MAF: variants seen among roughly 807,000 people sequenced by gnomAD.
MAF encodes the protein MAF bZIP transcription factor.
A neutral mutation model predicts 22.0 loss-of-function variants in MAF; 10 were observed. The ratio of observed to expected loss-of-function variants is 0.45; its 90% CI spans 0.28 to 0.77. The LOEUF is 0.77. Among genes scored for constraint, MAF ranks in the 30% least tolerant of loss-of-function variants. The pLI is 0.12. For missense variants in MAF, 544 were observed against 548.4 expected (o/e 0.99, Z 0.08); for synonymous variants, 337 against 255.8 (o/e 1.32, Z -3.03).
At chr16:79,482,422 C>G in the MAF span, among the ~76,000 whole-genome samples, 1 of 152,166 alleles carries the variant, frequency 6.6e-6, no homozygotes, top group Non-Finnish European at 1.5e-5. Flanking sequence ...GTCAAATCAG[C>G]GACCTGGTCT....
the MAF span, among the ~76,000 whole-genome samples, chr16:79,400,052 A>G: frequency 6.6e-6 from 1 of 152,178 alleles, no homozygotes; most frequent in Non-Finnish European, 1.5e-5. Flanking sequence ...AGAGCAGTCT[A>G]TTTTGCCTCC....
In MAF at chr16:79,596,241, GA is replaced by G. The variant is rs1913517382; in HGVS notation, c.1119-1689del. ...AGGGCAATTATGGCTCAACTCATTT[GA>G]AAACTGAAAACTTTGGGGAGAAAAA... On this transcript the variant is annotated intron_variant, in intron 1 of 1. Coordinates refer to ENST00000326043, the MANE Select transcript of MAF (RefSeq NM_005360.5). 2.8e-6 allele frequency: 3 copies of G among 1,059,570 alleles called. No homozygotes were observed. The East Asian group carries it at 1.5e-4, about 55-fold the overall frequency. 65.6% of individuals were successfully genotyped at this position (1,059,570 alleles called of 1,614,324 possible).
the MAF span, among the ~76,000 whole-genome samples, chr16:79,401,956 T>C: frequency 2.6e-5 from 4 of 152,162 alleles, no homozygotes; most frequent in Admixed American, 2.6e-4. Flanking sequence ...GAAAATGGGA[T>C]GCTATCATTA....
At chr16:79,491,401 T>C in the MAF span, among the ~76,000 whole-genome samples, 90 of 152,322 alleles carry the variant, frequency 5.9e-4, no homozygotes, top group African/African-American at 2.1e-3. Flanking sequence ...TGGCATCTGA[T>C]TGCATTCTTC....
the MAF span, among the ~76,000 whole-genome samples, chr16:79,246,835 T>G: frequency 4.6e-5 from 7 of 152,126 alleles, no homozygotes; most frequent in Non-Finnish European, 8.8e-5. Flanking sequence ...TGTCCATCCA[T>G]CCATCCATCC....
the MAF span, among the ~76,000 whole-genome samples, chr16:79,499,872 G>A: frequency 6.6e-6 from 1 of 152,166 alleles, no homozygotes; most frequent in African/African-American, 2.4e-5. Flanking sequence ...TTACCTTATA[G>A]GTCAACATTT....
chr16:79,540,493 C>T, the MAF span, among the ~76,000 whole-genome samples: 8 of 152,262 alleles, frequency 5.3e-5, no homozygotes, highest in East Asian at 1.9e-4. Context: ...CCAGCTCAGA[C>T]GAAGCCAGCT....
chr16:79,497,834 G>A, the MAF span, among the ~76,000 whole-genome samples: 2 of 152,206 alleles, frequency 1.3e-5, no homozygotes, highest in East Asian at 3.8e-4. Flanking sequence ...AGACTGTGGT[G>A]GATACAGCAG....
At chr16:79,296,603 C>T in the MAF span, among the ~76,000 whole-genome samples, 1 of 151,526 alleles carries the variant, frequency 6.6e-6, no homozygotes, top group South Asian at 2.1e-4. Context: ...AGTATATTTA[C>T]TCTGTGTTTC....
the MAF span, among the ~76,000 whole-genome samples, chr16:79,206,895 G>T: frequency 6.6e-6 from 1 of 152,184 alleles, no homozygotes; most frequent in Non-Finnish European, 1.5e-5. Flanking sequence ...CTAAAAGATT[G>T]CTCTTGGATA....
At chr16:79,481,810 G>A in the MAF span, among the ~76,000 whole-genome samples, 1 of 152,194 alleles carries the variant, frequency 6.6e-6, no homozygotes, top group Non-Finnish European at 1.5e-5. Context: ...CCTGGCACTA[G>A]AATGGAGAGC....
chr16:79,473,203 C>T, the MAF span, among the ~76,000 whole-genome samples: 50 of 152,248 alleles, frequency 3.3e-4, no homozygotes, highest in African/African-American at 1.1e-3. Flanking sequence ...CAGTCATATC[C>T]TCTGTGGAGG....
At chr16:79,563,829 C>T in the MAF span, among the ~76,000 whole-genome samples, 1 of 152,076 alleles carries the variant, frequency 6.6e-6, no homozygotes. Context: ...CTTACACTCA[C>T]CTAGCAATTC....
chr16:79,493,306 C>T, the MAF span, among the ~76,000 whole-genome samples: 7 of 152,092 alleles, frequency 4.6e-5, no homozygotes, highest in African/African-American at 1.4e-4. Context: ...CTCAGCCTCC[C>T]GAGTAGCCGG....
chr16:79,226,036 C>G, the MAF span, among the ~76,000 whole-genome samples: 1 of 152,154 alleles, frequency 6.6e-6, no homozygotes, highest in Non-Finnish European at 1.5e-5. Context: ...TGGGTATATA[C>G]CCAAAGGATT....
chr16:79,394,965 G>A, the MAF span, among the ~76,000 whole-genome samples: 1 of 152,240 alleles, frequency 6.6e-6, no homozygotes, highest in South Asian at 2.1e-4. Flanking sequence ...CTATAGCACA[G>A]AGCATATAGC....
the MAF span, among the ~76,000 whole-genome samples, chr16:79,512,596 A>G: frequency 6.6e-6 from 1 of 152,126 alleles, no homozygotes; most frequent in South Asian, 2.1e-4. Flanking sequence ...TCTGCCCGGC[A>G]GTTGGGGAGC....
chr16:79,416,333 G>A, the MAF span, among the ~76,000 whole-genome samples: 1 of 152,140 alleles, frequency 6.6e-6, no homozygotes, highest in Non-Finnish European at 1.5e-5. Context: ...GCGTCTCTGT[G>A]ACAAGCTCCA....
the MAF span, among the ~76,000 whole-genome samples, chr16:79,495,735 G>A: frequency 6.6e-6 from 1 of 152,136 alleles, no homozygotes. Flanking sequence ...TTGTGCTGAT[G>A]AAGAAAAAGA....
Sources: allele counts gnomAD v4.1 joint callset (sites outside exome capture counted in the v4.1 genomes callset), GRCh38; gene constraint gnomAD v4.1.1; transcripts MANE v1.5; gene names NCBI Gene and HGNC (gene_info 2026-07-23, HGNC 2026-07-21).